The following ANKRD42 variants were observed in gnomAD, a reference collection of about 807,000 sequenced individuals.
ANKRD42 encodes the protein ankyrin repeat domain 42.
In ANKRD42, 43 loss-of-function variants were observed where a neutral mutation model predicts 51.5. The observed-to-expected ratio is 0.83, with a 90% CI of 0.65 to 1.08. The LOEUF is 1.08. Ranked by LOEUF, ANKRD42 falls within the 50% of genes least tolerant of loss-of-function variation. The pLI is 0.00. For missense variants in ANKRD42, 608 were observed against 629.3 expected (o/e 0.97, Z 0.36); for synonymous variants, 203 against 213.0 (o/e 0.95, Z 0.41).
At chr11:83,212,643 T>C (rs1168764730) in intron 5 of ANKRD42, 42 of 1,532,444 alleles carry the variant, frequency 2.7e-5, no homozygotes, top group Non-Finnish European at 3.5e-5. Flanking sequence ...CAAATCACTT[T>C]GCTATTTAGA....
chr11:83,204,127 G>A (rs886595000), intron 2 of ANKRD42, among the ~76,000 whole-genome samples: 1 of 152,090 alleles, frequency 6.6e-6, no homozygotes, highest in African/African-American at 2.4e-5. Flanking sequence ...ATTTTTAGTA[G>A]AGACAGGGTT....
At chr11:83,232,805 G>T (rs1444693802) in intron 7 of ANKRD42, among the ~76,000 whole-genome samples, 2 of 152,102 alleles carry the variant, frequency 1.3e-5, no homozygotes, top group Non-Finnish European at 2.9e-5. Context: ...GTTGAATTTT[G>T]TCAGGTGCTT....
chr11:83,224,929 G>A lies in ANKRD42; in HGVS notation c.661G>A (p.Val221Ile), dbSNP rs1271625997. The A allele has an allele frequency of 1.2e-6, 2 of 1,613,302 alleles. No homozygotes were observed. The highest frequency in any genetic ancestry group is 1.7e-6 in the Non-Finnish European group (2 of 1,179,444). ...CAGTAGAATGAGCAGTGCGACGCAA[G>A]TTTTAAAAGCTTTCAATGATAATGG... ...LVSRMSSATQ[V>I]LKAFNDNGEN... Residue 221 changes from valine (V) to isoleucine (I), a missense_variant, in exon 6 of 11, where the codon GTT (valine) becomes ATT (isoleucine). By Grantham distance (29) the Val-to-Ile change is conservative (BLOSUM62 3). Transcript: ENST00000533342.
In ANKRD42 at chr11:83,194,434, A is replaced by C; in HGVS notation, c.-237A>C. ...CGCAGCCAGCGACTCCTCTGGTGTG[A>C]GCGGCAGTGAAGACGCCAGCTACCG... On this transcript the variant is annotated 5_prime_UTR_variant, in exon 1 of 11. Coordinates refer to ENST00000533342, the MANE Select transcript of ANKRD42 (RefSeq NM_001300975.2). The C allele has an allele frequency of 1.4e-6, 1 of 691,452 alleles. No homozygotes were observed. The highest frequency in any genetic ancestry group is 2.6e-6 in the Non-Finnish European group (1 of 378,038). 42.8% of individuals were successfully genotyped at this position (691,452 alleles called of 1,614,324 possible). A position where few individuals can be genotyped will look rare whatever the true frequency, so the allele number is the denominator to read the frequency against.
At chr11:83,255,795 T>C in intron 11 of ANKRD42, 5 of 1,420,674 alleles carry the variant, frequency 3.5e-6, no homozygotes, top group Non-Finnish European at 3.7e-6. Flanking sequence ...AAGACGAAAA[T>C]GTGTGCTAGC....
downstream of ANKRD42, among the ~76,000 whole-genome samples, chr11:83,249,148 G>A (rs577275282): frequency 6.6e-6 from 1 of 152,092 alleles, no homozygotes; most frequent in Non-Finnish European, 1.5e-5. Context: ...CTTGTGGCAG[G>A]GACTCTGTGA....
At chr11:83,210,154 A>T in intron 3 of ANKRD42, 146 bp from the exon 4 acceptor site, 1 of 677,044 alleles carries the variant, frequency 1.5e-6, no homozygotes, top group Non-Finnish European at 2.3e-6. Context: ...AGAATTTCTT[A>T]TGTTTTGCCT....
At chr11:83,201,875 G>T (rs980843211) in intron 2 of ANKRD42, among the ~76,000 whole-genome samples, 22 of 152,092 alleles carry the variant, frequency 1.4e-4, no homozygotes, top group Middle Eastern at 3.4e-3. Context: ...TAAGTTTCTT[G>T]TAGATTCTAG....
chr11:83,207,719 C>T (rs1862131507), intron 3 of ANKRD42, among the ~76,000 whole-genome samples: 1 of 152,228 alleles, frequency 6.6e-6, no homozygotes, highest in South Asian at 2.1e-4. Context: ...TGTTAAGTAC[C>T]TTGCCTAAGC....
intron 8 of ANKRD42, 38 bp from the exon 9 acceptor site, chr11:83,240,721 G>A (rs1306471148): frequency 2.5e-6 from 4 of 1,609,136 alleles, no homozygotes; most frequent in Non-Finnish European, 3.4e-6. Context: ...GTTTGAAGAA[G>A]ATTGTGGATC....
chr11:83,209,607 G>C, intron 3 of ANKRD42: 4 of 867,722 alleles, frequency 4.6e-6, no homozygotes, highest in South Asian at 1.3e-5. Flanking sequence ...TTGCTGTTCC[G>C]GTGCCCACTA....
At chr11:83,216,909 C>T (rs530761902) in intron 5 of ANKRD42, among the ~76,000 whole-genome samples, 12 of 152,310 alleles carry the variant, frequency 7.9e-5, no homozygotes, top group African/African-American at 2.9e-4. Flanking sequence ...AACTGGGCGG[C>T]AGTCATTCTG....
intron 3 of ANKRD42, among the ~76,000 whole-genome samples, chr11:83,206,731 A>C (rs982073826): frequency 6.6e-6 from 1 of 152,128 alleles, no homozygotes; most frequent in South Asian, 2.1e-4. Context: ...ATGAGAAATA[A>C]ATTTTTGTTG....
At chr11:83,213,278 A>C (rs1452847068) in intron 5 of ANKRD42, 2 of 1,595,176 alleles carry the variant, frequency 1.3e-6, no homozygotes, top group East Asian at 4.5e-5. Context: ...GCTGATGTGC[A>C]ACAGATCTTA....
intron 5 of ANKRD42, among the ~76,000 whole-genome samples, chr11:83,216,348 C>T (rs1399143998): frequency 2.7e-5 from 4 of 148,796 alleles, no homozygotes; most frequent in South Asian, 2.1e-4. Flanking sequence ...TTTTTTGAGA[C>T]GGAGTCTCGC....
chr11:83,214,329 AT>A (rs770552067), intron 5 of ANKRD42: 33 of 627,280 alleles, frequency 5.3e-5, no homozygotes, highest in Non-Finnish European at 6.4e-5. Context: ...TCATATTTAT[AT>A]TCCCAATCCT....
intron 7 of ANKRD42, among the ~76,000 whole-genome samples, 192 bp downstream of exon 7, chr11:83,228,064 A>C (rs750703814): frequency 6.6e-6 from 1 of 152,126 alleles, no homozygotes; most frequent in African/African-American, 2.4e-5. Flanking sequence ...TTATGATGCC[A>C]GATATTCATA....
intron 7 of ANKRD42, among the ~76,000 whole-genome samples, chr11:83,234,728 C>T (rs1863177036): frequency 1.3e-5 from 2 of 152,036 alleles, no homozygotes; most frequent in South Asian, 2.1e-4. Flanking sequence ...CAATATGTTG[C>T]CATTTTTGTC....
At chr11:83,245,389 C>A in intron 9 of ANKRD42, 109 bp from the exon 10 acceptor site, 2 of 1,218,096 alleles carry the variant, frequency 1.6e-6, no homozygotes, top group Non-Finnish European at 2.2e-6. Flanking sequence ...CCTCTCCAAA[C>A]CATACAGACA....
Sources: gnomAD v4.1 joint callset for allele counts (sites outside exome capture counted in the v4.1 genomes callset) on GRCh38, gnomAD v4.1.1 for gene constraint, MANE v1.5 for transcripts, NCBI Gene and HGNC (gene_info 2026-07-23, HGNC 2026-07-21) for gene names.